The following RANBP17 variants were observed in gnomAD, a reference collection of about 807,000 sequenced individuals.
RANBP17 encodes ran-binding protein 17.
In RANBP17, 158 loss-of-function variants were observed where a neutral mutation model predicts 141.2. The observed-to-expected ratio is 1.12, with a 90% CI of 0.98 to 1.28. RANBP17 has a LOEUF of 1.28. Ranked by LOEUF, RANBP17 falls within the 50% of genes most tolerant of loss-of-function variation. The pLI is 0.00. For synonymous variants in RANBP17, 430 were observed against 450.0 expected (o/e 0.96, Z 0.56); for missense variants, 1,438 against 1,290.7 (o/e 1.11, Z -1.75).
Position 171,134,806 on chromosome 5 carries a change from C to T in RANBP17, c.1711-35324C>T, listed in dbSNP as rs190338905. On this transcript the variant is annotated intron_variant, in intron 14 of 27. Coordinates refer to ENST00000523189, the MANE Select transcript of RANBP17 (RefSeq NM_022897.5). ...CGTTGGTGGCTCACGCCTGTAGTCC[C>T]GGCTACAGGGGAGGCTGAGGCTGGA... 7.4e-4 allele frequency among the ~76,000 whole-genome samples: 112 copies of T among 152,008 alleles called. 1 individual carries two copies. Among genetic ancestry groups the T allele is most frequent in the South Asian group, 1.5e-3 (7 of 4,802 alleles).
chr5:171,061,711 G>C (rs1474564274), intron 14 of RANBP17, among the ~76,000 whole-genome samples: 8 of 152,100 alleles, frequency 5.3e-5, no homozygotes, highest in Non-Finnish European at 7.4e-5. Flanking sequence ...CAAATCCTGG[G>C]TTTCCTTGTT....
At chr5:170,930,312 A>T (rs1394401974) in intron 12 of RANBP17, among the ~76,000 whole-genome samples, 2 of 151,744 alleles carry the variant, frequency 1.3e-5, no homozygotes, top group African/African-American at 4.8e-5. Flanking sequence ...TTCTTTAAAC[A>T]TTACTTTAGT....
intron 25 of RANBP17, among the ~76,000 whole-genome samples, chr5:171,275,626 T>G: frequency 6.6e-6 from 1 of 152,296 alleles, no homozygotes; most frequent in South Asian, 2.1e-4. Context: ...TTTTAAGACT[T>G]TTAATATTAA....
At chr5:171,207,825 A>G (rs1282415199) in intron 20 of RANBP17, 1 of 152,206 alleles carries the variant, frequency 6.6e-6, no homozygotes, top group Non-Finnish European at 1.5e-5. Context: ...AAATATTTAT[A>G]ATAATAGTAA....
chr5:171,150,336 G>A (rs1400589699), intron 14 of RANBP17, among the ~76,000 whole-genome samples: 8 of 151,208 alleles, frequency 5.3e-5, no homozygotes, highest in Non-Finnish European at 1.2e-4. Context: ...AGTTTAAATT[G>A]TCTAAATAGG....
intron 25 of RANBP17, among the ~76,000 whole-genome samples, chr5:171,290,463 T>G (rs921872948): frequency 6.6e-6 from 1 of 151,996 alleles, no homozygotes; most frequent in African/African-American, 2.4e-5. Context: ...TTACATCCCA[T>G]GTTAGGGTAG....
intron 14 of RANBP17, among the ~76,000 whole-genome samples, chr5:170,999,985 A>G (rs898798655): frequency 2.0e-5 from 3 of 152,204 alleles, no homozygotes; most frequent in Non-Finnish European, 2.9e-5. Context: ...ATGTAAGTGG[A>G]ATCACATGGT....
intron 14 of RANBP17, among the ~76,000 whole-genome samples, chr5:171,089,179 A>G (rs1785971805): frequency 6.8e-6 from 1 of 147,014 alleles, no homozygotes; most frequent in African/African-American, 2.5e-5. Context: ...CTTCTAACAG[A>G]CAGGACCCTC....
At chr5:171,288,117 G>T (rs1283893432) in intron 25 of RANBP17, among the ~76,000 whole-genome samples, 1 of 152,064 alleles carries the variant, frequency 6.6e-6, no homozygotes, top group Non-Finnish European at 1.5e-5. Flanking sequence ...AATGTTCAGT[G>T]GACCATTTTC....
intron 12 of RANBP17, among the ~76,000 whole-genome samples, chr5:170,931,157 G>A (rs906464559): frequency 6.6e-6 from 1 of 152,112 alleles, no homozygotes; most frequent in South Asian, 2.1e-4. Flanking sequence ...TTCTCTGATG[G>A]CCAGTGATGA....
At chr5:171,274,154 G>A (rs1042928170) in intron 25 of RANBP17, among the ~76,000 whole-genome samples, 34 of 143,824 alleles carry the variant, frequency 2.4e-4, no homozygotes, top group African/African-American at 6.8e-4. Flanking sequence ...GTGTGTGCGC[G>A]CGCGCGCGCG....
rs1783204157 is a variant in RANBP17 at position 171,054,421 on chromosome 5, C to G, written c.1710+86044C>G. On this transcript the variant is annotated intron_variant, in intron 14 of 27. Coordinates refer to ENST00000523189, the MANE Select transcript of RANBP17 (RefSeq NM_022897.5). ...GTTCTTGGAACTGAGGGTTCCTCCC[C>G]CATTTTAGACCATATAGGGTATCTT... 2.6e-5 allele frequency among the ~76,000 whole-genome samples: 4 copies of G among 152,210 alleles called. No individual in the cohort carries two copies. In the South Asian group the frequency reaches 6.2e-4, roughly 24 times the overall value.
At chr5:170,926,887 G>A (rs1772972140) in intron 12 of RANBP17, among the ~76,000 whole-genome samples, 1 of 151,960 alleles carries the variant, frequency 6.6e-6, no homozygotes, top group Non-Finnish European at 1.5e-5. Context: ...CATACTCACT[G>A]CTCTACTTCT....
At chr5:170,886,751 G>A (rs1769197869) in intron 3 of RANBP17, among the ~76,000 whole-genome samples, 3 of 143,734 alleles carry the variant, frequency 2.1e-5, no homozygotes, top group East Asian at 2.2e-4. Flanking sequence ...TTTGCCTCCC[G>A]GGCTCAAGTA....
chr5:171,261,108 G>A (rs371048502), intron 24 of RANBP17, among the ~76,000 whole-genome samples: 3,801 of 46,508 alleles, frequency 0.082, no homozygotes, highest in African/African-American at 0.12. Flanking sequence ...AAAACCAAAA[G>A]AAAAAAAAAA....
chr5:170,872,140 C>A (rs967008348), intron 1 of RANBP17, among the ~76,000 whole-genome samples: 1 of 152,202 alleles, frequency 6.6e-6, no homozygotes, highest in African/African-American at 2.4e-5. Flanking sequence ...ATTGATTCTC[C>A]TTATCCATGA....
At chr5:170,901,410 T>G (rs4868044) in intron 5 of RANBP17, among the ~76,000 whole-genome samples, 95,862 of 151,944 alleles carry the variant, frequency 0.63, 31,181 homozygotes, top group South Asian at 0.9. Flanking sequence ...TGTAGGCTAT[T>G]TACAAAGGCA....
intron 14 of RANBP17, among the ~76,000 whole-genome samples, chr5:171,077,268 A>G (rs1316823093): frequency 6.6e-6 from 1 of 152,100 alleles, no homozygotes; most frequent in Non-Finnish European, 1.5e-5. Flanking sequence ...TGAACCCGGT[A>G]GGCCGAGCTT....
chr5:170,978,904 A>T (rs1200109030), intron 14 of RANBP17, among the ~76,000 whole-genome samples: 3 of 152,184 alleles, frequency 2.0e-5, no homozygotes, highest in Non-Finnish European at 2.9e-5. Flanking sequence ...TTGTGTAAAA[A>T]AGTGGAAACT....
Sources: allele counts gnomAD v4.1 joint callset (sites outside exome capture counted in the v4.1 genomes callset), GRCh38; gene constraint gnomAD v4.1.1; transcripts MANE v1.5; gene names NCBI Gene and HGNC (gene_info 2026-07-23, HGNC 2026-07-21).